Variants in NPRL3 observed in about 807,000 individuals in gnomAD.
NPRL3 encodes the protein NPR3 like, GATOR1 complex subunit, also known as GATOR1 complex protein NPRL3.
A neutral mutation model predicts 57.2 loss-of-function variants in NPRL3; 23 were observed. The observed-to-expected ratio is 0.40, with a 90% confidence interval of 0.29 to 0.57. The LOEUF (loss-of-function observed/expected upper bound fraction) is 0.57, where lower values mean the gene tolerates loss of function less well. Ranked by LOEUF, NPRL3 falls within the 20% of genes least tolerant of loss-of-function variation. NPRL3 has a pLI of 0.42. For missense variants in NPRL3, 691 were observed against 767.1 expected, an observed-to-expected ratio of 0.90 and a Z score of 1.17; for synonymous variants, 333 against 321.1, an observed-to-expected ratio of 1.04 and a Z score of -0.39.
At chr16:123,548 G>C (rs1299835280) in intron 3 of NPRL3, 1 of 471,052 alleles carries the variant, frequency 2.1e-6, no homozygotes, top group Middle Eastern at 3.2e-4. Context: ...ATGGCTCGCT[G>C]AAATGGGAAC....
chr16:95,350 T>TATACAC (rs1223611120), intron 9 of NPRL3, among the ~76,000 whole-genome samples: 135 of 110,970 alleles, frequency 1.2e-3, no homozygotes, highest in African/African-American at 4.3e-3. Context: ...TATATATATA[T>TATACAC]ACACACACAC....
At chr16:117,248 T>C in intron 5 of NPRL3, 53 bp downstream of exon 5, 3 of 1,289,158 alleles carry the variant, frequency 2.3e-6, no homozygotes, top group Non-Finnish European at 3.3e-6. Context: ...AAAAAAGAGC[T>C]GCTTCTCCAC....
chr16:119,270 G>C lies in NPRL3; in HGVS notation c.189-15C>G, dbSNP rs183021938. 1.1e-4 allele frequency: 175 copies of C among 1,592,920 alleles called. 1 individual carries two copies. The African/African-American group carries it at 1.8e-3, about 16-fold the overall frequency. ...CATCTGAAAACCTTAAAATTTAAGAGAGGTAGAATAAAAATAAGTTAACAA... is the reference window on the plus strand; with the variant it reads ...CATCTGAAAACCTTAAAATTTAAGACAGGTAGAATAAAAATAAGTTAACAA... On this transcript the variant is annotated splice_polypyrimidine_tract_variant and intron_variant, in intron 3 of 13. Transcript: ENST00000611875.
intron 3 of NPRL3, among the ~76,000 whole-genome samples, chr16:121,272 C>T (rs931387267): frequency 2.0e-5 from 3 of 152,196 alleles, no homozygotes; most frequent in Non-Finnish European, 4.4e-5. Context: ...GGCTCTTTCC[C>T]TGCTAGAGGC....
At chr16:119,748 G>A (rs771727470) in intron 3 of NPRL3, among the ~76,000 whole-genome samples, 1 of 152,248 alleles carries the variant, frequency 6.6e-6, no homozygotes, top group Non-Finnish European at 1.5e-5. Context: ...ACAGGGATGC[G>A]TGCAGAGCGC....
intron 3 of NPRL3, among the ~76,000 whole-genome samples, chr16:126,716 C>A (rs1350998997): frequency 6.6e-6 from 1 of 152,148 alleles, no homozygotes; most frequent in African/African-American, 2.4e-5. Flanking sequence ...AACATGAGCA[C>A]CATGGCCCCT....
chr16:92,914 C>G, intron 10 of NPRL3, 189 bp from the exon 11 acceptor site: 2 of 681,276 alleles, frequency 2.9e-6, no homozygotes, highest in East Asian at 2.7e-5. Flanking sequence ...TGAGCAGCAG[C>G]AGGAGCCATG....
chr16:96,705 T>G (rs1415179504), intron 9 of NPRL3, among the ~76,000 whole-genome samples: 10 of 149,684 alleles, frequency 6.7e-5, no homozygotes, highest in Non-Finnish European at 1.2e-4. Context: ...TCCCAGCTAC[T>G]TGGGAGGATG....
intron 9 of NPRL3, 33 bp downstream of exon 9, chr16:98,111 CA>C: frequency 6.2e-7 from 1 of 1,602,492 alleles, no homozygotes; most frequent in Non-Finnish European, 8.5e-7. Flanking sequence ...CCAGCACCGC[CA>C]CATGCCACCC....
intron 12 of NPRL3, chr16:89,143 C>T (rs769440297): frequency 3.9e-6 from 2 of 510,692 alleles, no homozygotes; most frequent in Non-Finnish European, 7.1e-6. Context: ...CGATGTGTGC[C>T]CCACAAACAC....
In NPRL3 at chr16:85,919, G is replaced by C; in HGVS notation, c.*786C>G. ...CTAGCTCTTCCTCCAGGACACGAGA[G>C]CTGGGGGCCTGAGTACGTAGCGCCA... On this transcript the variant is annotated 3_prime_UTR_variant, in exon 14 of 14. Coordinates refer to ENST00000611875, the MANE Select transcript of NPRL3 (RefSeq NM_001077350.3). The C allele has an allele frequency of 4.9e-6, 5 of 1,022,076 alleles. No individual in the cohort carries two copies. Among genetic ancestry groups the C allele is most frequent in the Non-Finnish European group, 6.5e-6 (5 of 771,658 alleles). The allele number at this position is 1,022,076 out of a possible 1,614,324, so 63.3% of individuals were successfully genotyped here. A position where few individuals can be genotyped will look rare whatever the true frequency, so the allele number is the denominator to read the frequency against.
intron 2 of NPRL3, 67 bp downstream of exon 2, chr16:138,083 G>A: frequency 3.2e-6 from 4 of 1,268,150 alleles, no homozygotes; most frequent in South Asian, 2.6e-5. Flanking sequence ...AGGCGGCCCT[G>A]GAATGAGGCG....
chr16:128,742 T>C (rs2141978495), intron 3 of NPRL3, among the ~76,000 whole-genome samples: 1 of 151,856 alleles, frequency 6.6e-6, no homozygotes, highest in East Asian at 1.9e-4. Context: ...CACTCCAGCC[T>C]GGGTGACAGA....
chr16:107,878 C>T (rs767622757), intron 7 of NPRL3, among the ~76,000 whole-genome samples: 1 of 152,144 alleles, frequency 6.6e-6, no homozygotes, highest in Non-Finnish European at 1.5e-5. Flanking sequence ...TAATCTAATC[C>T]GAGTTGAGGC....
intron 7 of NPRL3, among the ~76,000 whole-genome samples, chr16:107,820 A>G (rs1239959262): frequency 6.6e-6 from 1 of 152,106 alleles, no homozygotes; most frequent in East Asian, 1.9e-4. Context: ...ACACCACCGC[A>G]CCAGCTTGGT....
intron 7 of NPRL3, among the ~76,000 whole-genome samples, chr16:103,513 C>A (rs953343186): frequency 3.3e-5 from 5 of 151,822 alleles, no homozygotes; most frequent in African/African-American, 1.2e-4. Flanking sequence ...AATCAGAATA[C>A]GGAGGCTCCT....
chr16:93,434 C>T, intron 9 of NPRL3, 109 bp from the exon 10 acceptor site: 1 of 725,114 alleles, frequency 1.4e-6, no homozygotes, highest in South Asian at 1.5e-5. Context: ...GAGAAGCTGG[C>T]CCCAGCCTCA....
At chr16:94,559 G>A (rs1201554017) in intron 9 of NPRL3, among the ~76,000 whole-genome samples, 1 of 152,120 alleles carries the variant, frequency 6.6e-6, no homozygotes, top group Non-Finnish European at 1.5e-5. Context: ...GACCAACCTG[G>A]GCAATATAGT....
At chr16:110,418 G>C (rs1051899309) in intron 7 of NPRL3, 107 bp downstream of exon 7, 4 of 807,450 alleles carry the variant, frequency 5.0e-6, no homozygotes, top group Admixed American at 4.3e-5. Context: ...CACACCCCAG[G>C]AGAACAGTGG....
Sources: gnomAD v4.1 joint callset for allele counts (sites outside exome capture counted in the v4.1 genomes callset) on GRCh38, gnomAD v4.1.1 for gene constraint, MANE v1.5 for transcripts, NCBI Gene and HGNC (gene_info 2026-07-23, HGNC 2026-07-21) for gene names.